Variants in TTC23L observed in about 807,000 individuals in gnomAD.
The protein encoded by TTC23L is tetratricopeptide repeat domain 23 like.
TTC23L carries 42 observed loss-of-function variants against 48.1 expected under a neutral mutation model. The observed-to-expected ratio is 0.87, with a 90% confidence interval of 0.68 to 1.13. The LOEUF (loss-of-function observed/expected upper bound fraction) is 1.13. Ranked by LOEUF, TTC23L falls within the 50% of genes most tolerant of loss-of-function variation. TTC23L has a pLI of 0.00. For synonymous variants in TTC23L, 159 were observed against 157.2 expected (o/e 1.01, Z -0.09); for missense variants, 391 against 421.0 (o/e 0.93, Z 0.62).
intron 8 of TTC23L, among the ~76,000 whole-genome samples, chr5:34,873,316 T>C (rs755137173): frequency 6.6e-6 from 1 of 152,172 alleles, no homozygotes; most frequent in Non-Finnish European, 1.5e-5. Context: ...TATAAAATGG[T>C]CATAACTATT....
At chr5:34,879,692 T>G (rs1762087296) in intron 8 of TTC23L, among the ~76,000 whole-genome samples, 1 of 152,144 alleles carries the variant, frequency 6.6e-6, no homozygotes. Context: ...AAACATCATC[T>G]GATGTCATTA....
intron 10 of TTC23L, among the ~76,000 whole-genome samples, chr5:34,897,390 A>C (rs1307699402): frequency 6.6e-6 from 1 of 151,594 alleles, no homozygotes; most frequent in East Asian, 1.9e-4. Flanking sequence ...TCCTAAAGAA[A>C]AATAAAAAAA....
At chr5:34,856,752 G>A (rs1418230998) in intron 4 of TTC23L, among the ~76,000 whole-genome samples, 2 of 152,230 alleles carry the variant, frequency 1.3e-5, no homozygotes, top group Admixed American at 6.5e-5. Context: ...GCAGGTTGGT[G>A]CAGTGCCTTG....
chr5:34,845,488 TCACAG>T lies in TTC23L; in HGVS notation c.73_77del (p.Gln25AsnfsTer11). 6.2e-7 allele frequency: 1 copy of T among 1,612,608 alleles called. No homozygotes were observed. The highest frequency in any genetic ancestry group is 1.3e-5 in the African/African-American group (1 of 74,970). ...TCCTTGCCTCTCTCATACCTACAGG[TCACAG>T]CAAACCGAGATCCCAGCTCACCAGC... On this transcript the variant is annotated frameshift_variant and splice_region_variant, in exon 3 of 11. Transcript: ENST00000505624. LOFTEE classifies it high-confidence loss of function.
chr5:34,897,980 C>T (rs950101149), intron 10 of TTC23L, among the ~76,000 whole-genome samples: 1 of 152,220 alleles, frequency 6.6e-6, no homozygotes, highest in Non-Finnish European at 1.5e-5. Context: ...TGGAGACAGG[C>T]AAGCCTGAGT....
intron 9 of TTC23L, among the ~76,000 whole-genome samples, chr5:34,895,961 C>G (rs1301405766): frequency 6.6e-6 from 1 of 152,202 alleles, no homozygotes; most frequent in Admixed American, 6.5e-5. Context: ...GAGGAAATAT[C>G]TGGCCAAACC....
chr5:34,862,324 C>T (rs761358425), intron 4 of TTC23L, among the ~76,000 whole-genome samples: 1 of 152,078 alleles, frequency 6.6e-6, no homozygotes, highest in Non-Finnish European at 1.5e-5. Context: ...AAAAAAATCC[C>T]CAGATGGAAG....
At chr5:34,846,964 G>A (rs911957383) in intron 3 of TTC23L, among the ~76,000 whole-genome samples, 9 of 152,086 alleles carry the variant, frequency 5.9e-5, no homozygotes, top group Non-Finnish European at 1.2e-4. Flanking sequence ...TCTCAGAGCA[G>A]GTTTGTAAGC....
chr5:34,888,455 T>C (rs762045940), intron 9 of TTC23L: 4 of 984,888 alleles, frequency 4.1e-6, no homozygotes, highest in Admixed American at 6.1e-5. Context: ...CCTCACCTAG[T>C]GTCTGATGAT....
chr5:34,859,134 G>C (rs1760368656), intron 4 of TTC23L, among the ~76,000 whole-genome samples: 1 of 152,150 alleles, frequency 6.6e-6, no homozygotes, highest in Admixed American at 6.5e-5. Context: ...ATTTGGGGTG[G>C]TTTTTAGTAG....
chr5:34,842,287 A>G (rs1467398941), intron 2 of TTC23L, among the ~76,000 whole-genome samples: 1 of 152,114 alleles, frequency 6.6e-6, no homozygotes, highest in Admixed American at 6.6e-5. Context: ...CTTAATTCAG[A>G]CCAGCAATAT....
At chr5:34,868,761 C>T (rs1365159735) in intron 7 of TTC23L, 144 bp from the exon 8 acceptor site, 1 of 677,370 alleles carries the variant, frequency 1.5e-6, no homozygotes, top group Non-Finnish European at 2.6e-6. Flanking sequence ...ATTATATATT[C>T]CTTCTACGAA....
intron 3 of TTC23L, among the ~76,000 whole-genome samples, chr5:34,846,666 TA>T (rs1333406623): frequency 1.6e-3 from 101 of 61,824 alleles, no homozygotes; most frequent in South Asian, 7.6e-3. Flanking sequence ...TATATGTGTG[TA>T]TGTGTGTGTG....
chr5:34,906,073 G>A, the TTC23L span: 1 of 151,994 alleles, frequency 6.6e-6, no homozygotes, highest in African/African-American at 2.4e-5. Flanking sequence ...TCTTGCCTCA[G>A]CCTCTCAAGT....
chr5:34,874,781 G>A (rs911191793), intron 8 of TTC23L, among the ~76,000 whole-genome samples: 9 of 151,924 alleles, frequency 5.9e-5, no homozygotes, highest in African/African-American at 2.2e-4. Flanking sequence ...TAGGAAAAGA[G>A]TGAAAGACAA....
chr5:34,915,343 A>C, the TTC23L span: 2 of 233,418 alleles, frequency 8.6e-6, no homozygotes, highest in Non-Finnish European at 8.4e-6. Flanking sequence ...GTCCCAGACA[A>C]CCCCATTCAC....
In TTC23L at chr5:34,850,288, A is replaced by ATGGC; in HGVS notation, c.361_364dup (p.Tyr122TrpfsTer34). The ATGGC allele has an allele frequency of 6.2e-7, 1 of 1,613,834 alleles. No individual in the cohort carries two copies. Among genetic ancestry groups the ATGGC allele is most frequent in the Non-Finnish European group, 8.5e-7 (1 of 1,179,796 alleles). On this transcript the variant is annotated frameshift_variant, in exon 4 of 11. Transcript: ENST00000505624. LOFTEE classifies it high-confidence loss of function. ...GCACGAGCTCTGGCCAACCTAGCTT[A>ATGGC]TGGCTACTTGACACTGAGAGGTACT...
intron 2 of TTC23L, among the ~76,000 whole-genome samples, chr5:34,841,686 T>G (rs997185720): frequency 1.3e-5 from 2 of 152,082 alleles, no homozygotes; most frequent in Non-Finnish European, 2.9e-5. Context: ...CCTGCCTAAT[T>G]TTTACATTTT....
chr5:34,917,759 T>TTA, the TTC23L span, among the ~76,000 whole-genome samples: 1 of 152,126 alleles, frequency 6.6e-6, no homozygotes, highest in Non-Finnish European at 1.5e-5. Context: ...AGACTCTAAG[T>TTA]AAGTGCAGTG....
Sources: gnomAD v4.1 joint callset for allele counts (sites outside exome capture counted in the v4.1 genomes callset) on GRCh38, gnomAD v4.1.1 for gene constraint, MANE v1.5 for transcripts, NCBI Gene and HGNC (gene_info 2026-07-23, HGNC 2026-07-21) for gene names.